ARHGAP11B: variants seen among roughly 807,000 people sequenced by gnomAD.
ARHGAP11B encodes inactive Rho GTPase-activating protein 11B.
Under a neutral mutation model 27.6 loss-of-function variants are expected in ARHGAP11B, and 14 were observed. The observed-to-expected ratio is 0.51, with a 90% CI of 0.34 to 0.79. The LOEUF is 0.79. Among genes scored for constraint, ARHGAP11B ranks in the 30% least tolerant of loss-of-function variants. ARHGAP11B has a pLI of 0.02. For missense variants in ARHGAP11B, 245 were observed against 320.1 expected, an observed-to-expected ratio of 0.77 and a Z score of 1.79; for synonymous variants, 82 against 114.1, an observed-to-expected ratio of 0.72 and a Z score of 1.80.
chr15:30,631,787 C>CTTTTTTTTTTTTTTTTTTTTTTTTTTTTT (rs765025486), intron 2 of ARHGAP11B, among the ~76,000 whole-genome samples: 2 of 139,676 alleles, frequency 1.4e-5, no homozygotes, highest in Non-Finnish European at 1.6e-5. Context: ...ACCTTTTGTT[C>CTTTTTTTTTTTTTTTTTTTTTTTTTTTTT]TTTTTTTTTT....
At chr15:30,648,740 G>A (rs1486806070) in exon 11 of ARHGAP11B, 2 of 151,902 alleles carry the variant, frequency 1.3e-5, no homozygotes, top group South Asian at 2.1e-4. Context: ...ATGAAAAAAC[G>A]GAGGTGAAAG....
intron 1 of ARHGAP11B, among the ~76,000 whole-genome samples, chr15:30,630,140 G>A (rs1174889192): frequency 6.6e-6 from 1 of 152,064 alleles, no homozygotes. Context: ...CTTACCGCAG[G>A]GCATGGTTTG....
chr15:30,627,608 T>A (rs1286575716), intron 1 of ARHGAP11B, among the ~76,000 whole-genome samples: 1 of 151,918 alleles, frequency 6.6e-6, no homozygotes, highest in African/African-American at 2.4e-5. Context: ...CAGAGTGGAA[T>A]AATTGAGAAG....
exon 8 of ARHGAP11B, chr15:30,644,688 T>C: frequency 1.3e-6 from 2 of 1,583,068 alleles, no homozygotes; most frequent in Non-Finnish European, 1.7e-6. Flanking sequence ...ATATTGCATC[T>C]ACCAGCATTT....
chr15:30,648,690 T>C (rs2060367192), exon 11 of ARHGAP11B: 1 of 152,044 alleles, frequency 6.6e-6, no homozygotes, highest in African/African-American at 2.4e-5. Context: ...GCAGTTATTA[T>C]CATGAAGCTT....
Position 30,647,977 on chromosome 15 carries a change from C to G in ARHGAP11B, c.*371+263C>G, listed in dbSNP as rs754836076. ...TTAACTGTTCTTGTTTTTTTATTTT[C>G]ATAGAGACAAGGTCTCTCTCTATGT... On this transcript the variant is annotated intron_variant, in intron 10 of 10. Transcript: ENST00000428041. Among the ~76,000 whole-genome samples, 16 of 151,786 alleles carry G rather than the reference C, an allele frequency of 1.1e-4. 1 individual carries two copies. Among genetic ancestry groups the G allele is most frequent in the Admixed American group, 8.5e-4 (13 of 15,212 alleles).
chr15:30,640,424 C>T (rs1256276416), intron 7 of ARHGAP11B, among the ~76,000 whole-genome samples: 3 of 122,280 alleles, frequency 2.5e-5, no homozygotes, highest in African/African-American at 9.2e-5. Flanking sequence ...AGAGTATGAT[C>T]ATGCTAATCC....
rs550621309 is a variant in ARHGAP11B, at chr15:30,627,967, A to AT, written c.129+1025dup. Among the ~76,000 whole-genome samples the AT allele has an allele frequency of 8.6e-3, 1,302 of 151,754 alleles. 18 individuals are homozygous for AT. The highest frequency in any genetic ancestry group is 0.013 in the Non-Finnish European group (905 of 67,882). Reference sequence around the variant, plus strand: ...TACTTACATTTAAAAAGCTACAGTGATTTTTTTCTGATTGTAAAACTGGCT... The same window carrying AT: ...TACTTACATTTAAAAAGCTACAGTGATTTTTTTTCTGATTGTAAAACTGGCT... On this transcript the variant is annotated intron_variant, in intron 1 of 10. Transcript: ENST00000428041.
At chr15:30,627,648 G>C (rs2060218439) in intron 1 of ARHGAP11B, among the ~76,000 whole-genome samples, 1 of 151,886 alleles carries the variant, frequency 6.6e-6, no homozygotes, top group South Asian at 2.1e-4. Flanking sequence ...TGAAATAAAG[G>C]GATTTTGAAT....
chr15:30,636,615 A>G (rs1341855684), intron 6 of ARHGAP11B, among the ~76,000 whole-genome samples: 2 of 152,122 alleles, frequency 1.3e-5, no homozygotes, highest in African/African-American at 4.8e-5. Flanking sequence ...TCCTAGGGCT[A>G]CTGTAGCAAA....
chr15:30,634,348 T>C (rs1363705443), exon 4 of ARHGAP11B: 2 of 1,613,382 alleles, frequency 1.2e-6, no homozygotes, highest in Non-Finnish European at 8.5e-7. Flanking sequence ...ATACTGTTGC[T>C]CTCCTGTCTT....
At chr15:30,643,216 A>G (rs898616827) in intron 7 of ARHGAP11B, among the ~76,000 whole-genome samples, 1 of 150,384 alleles carries the variant, frequency 6.6e-6, no homozygotes, top group African/African-American at 2.4e-5. Flanking sequence ...AATCTGTCCT[A>G]GTCTTTCATG....
chr15:30,642,848 T>C (rs1236993057), intron 7 of ARHGAP11B, among the ~76,000 whole-genome samples: 2 of 152,080 alleles, frequency 1.3e-5, no homozygotes. Flanking sequence ...GAATGCTTTT[T>C]CTTAGCTGAG....
At chr15:30,628,352 A>C (rs1038866927) in intron 1 of ARHGAP11B, among the ~76,000 whole-genome samples, 1 of 151,938 alleles carries the variant, frequency 6.6e-6, no homozygotes, top group Non-Finnish European at 1.5e-5. Context: ...AAGTGGTGGG[A>C]TTGCAGGCGT....
Position 30,631,703 on chromosome 15 carries a change from T to C in ARHGAP11B, c.200+930T>C, listed in dbSNP as rs1030362315. Among the ~76,000 whole-genome samples the C allele has an allele frequency of 5.1e-4, 78 of 152,212 alleles. 1 individual carries two copies. The highest frequency in any genetic ancestry group is 1.8e-3 in the African/African-American group (75 of 41,464). On this transcript the variant is annotated intron_variant, in intron 2 of 10. Transcript: ENST00000428041. ...ATATTGGATAAAAGAATATTTAAGC[T>C]AAGATATTAGAGTGTTTGTGAAAAT...
At chr15:30,641,773 G>C (rs1479763230) in intron 7 of ARHGAP11B, among the ~76,000 whole-genome samples, 3 of 151,938 alleles carry the variant, frequency 2.0e-5, no homozygotes, top group African/African-American at 7.2e-5. Flanking sequence ...CTGGAGTACA[G>C]TGGCATGATC....
intron 2 of ARHGAP11B, among the ~76,000 whole-genome samples, chr15:30,631,412 A>G (rs1024936266): frequency 1.1e-4 from 16 of 152,036 alleles, no homozygotes; most frequent in African/African-American, 3.6e-4. Flanking sequence ...CTATAATCCC[A>G]GCATTTTGAG....
chr15:30,644,084 A>G (rs1417189493), intron 7 of ARHGAP11B, among the ~76,000 whole-genome samples: 1 of 151,980 alleles, frequency 6.6e-6, no homozygotes, highest in East Asian at 1.9e-4. Context: ...TGCCAACTAT[A>G]TCAAGTAAAG....
intron 7 of ARHGAP11B, among the ~76,000 whole-genome samples, chr15:30,639,892 G>C (rs1163412732): frequency 6.6e-6 from 1 of 151,472 alleles, no homozygotes; most frequent in Admixed American, 6.6e-5. Context: ...TTAGGAACTA[G>C]AACTTTATTC....
Sources: gnomAD v4.1 joint callset for allele counts (sites outside exome capture counted in the v4.1 genomes callset) on GRCh38, gnomAD v4.1.1 for gene constraint, MANE v1.5 for transcripts, NCBI Gene and HGNC (gene_info 2026-07-23, HGNC 2026-07-21) for gene names.